Variants in TMEM117 observed in about 807,000 individuals in gnomAD.
TMEM117 encodes the protein transmembrane protein 117.
Under a neutral mutation model 52.4 loss-of-function variants are expected in TMEM117, and 27 were observed. That is an observed-to-expected ratio of 0.51 (90% CI 0.38 to 0.71). The LOEUF (loss-of-function observed/expected upper bound fraction) is 0.71. Among genes scored for constraint, TMEM117 ranks in the 30% least tolerant of loss-of-function variants. The pLI, the probability that TMEM117 is intolerant of heterozygous loss-of-function variation, is 0.00. For missense variants in TMEM117, 556 were observed against 630.5 expected (o/e 0.88, Z 1.26); for synonymous variants, 215 against 206.3 (o/e 1.04, Z -0.36).
intron 5 of TMEM117, among the ~76,000 whole-genome samples, chr12:44,216,158 C>T (rs1949715752): frequency 6.6e-6 from 1 of 151,884 alleles, no homozygotes; most frequent in African/African-American, 2.4e-5. Flanking sequence ...CAGGCATGCA[C>T]CACCACACCC....
chr12:44,127,676 CA>C (rs1044638075), intron 3 of TMEM117, among the ~76,000 whole-genome samples: 55 of 139,378 alleles, frequency 3.9e-4, no homozygotes, highest in East Asian at 4.1e-4. Context: ...AACTCTGTCT[CA>C]AAAAAAAAAA....
At chr12:44,290,227 A>C (rs111364990) in intron 5 of TMEM117, among the ~76,000 whole-genome samples, 1,992 of 151,850 alleles carry the variant, frequency 0.013, 51 homozygotes, top group African/African-American at 0.046. Flanking sequence ...TCTTACTTTG[A>C]TGTTATCCCG....
At chr12:43,992,876 C>T (rs1283276590) in intron 3 of TMEM117, among the ~76,000 whole-genome samples, 2 of 152,200 alleles carry the variant, frequency 1.3e-5, no homozygotes. Flanking sequence ...CCTTGTTCAT[C>T]TTTAAACCCA....
chr12:43,951,322 A>G (rs1945217517), intron 3 of TMEM117, among the ~76,000 whole-genome samples: 1 of 152,216 alleles, frequency 6.6e-6, no homozygotes. Flanking sequence ...AAGGGGCTTA[A>G]GCCAGGGAGC....
chr12:43,983,084 G>T (rs953932355), intron 3 of TMEM117, among the ~76,000 whole-genome samples: 3 of 152,158 alleles, frequency 2.0e-5, no homozygotes, highest in Admixed American at 6.5e-5. Flanking sequence ...CAGCAATTCA[G>T]GCTGGGCTTA....
At chr12:44,063,970 A>G (rs1947182520) in intron 3 of TMEM117, among the ~76,000 whole-genome samples, 1 of 152,142 alleles carries the variant, frequency 6.6e-6, no homozygotes, top group African/African-American at 2.4e-5. Flanking sequence ...TCTTAGAGCA[A>G]AAACCTCTTC....
intron 4 of TMEM117, among the ~76,000 whole-genome samples, chr12:44,195,636 G>A (rs898437374): frequency 6.7e-6 from 1 of 150,302 alleles, no homozygotes; most frequent in Non-Finnish European, 1.5e-5. Flanking sequence ...TTATATTGCT[G>A]TCTAGCAAAA....
intron 3 of TMEM117, among the ~76,000 whole-genome samples, chr12:43,983,303 T>G (rs1263462837): frequency 1.3e-5 from 2 of 152,066 alleles, no homozygotes; most frequent in Admixed American, 1.3e-4. Context: ...GAGCAATTCT[T>G]AAACTTCTGT....
At chr12:44,090,529 C>T (rs1035317389) in intron 3 of TMEM117, among the ~76,000 whole-genome samples, 59 of 151,802 alleles carry the variant, frequency 3.9e-4, no homozygotes, top group African/African-American at 1.3e-3. Context: ...CTCTGCCTCC[C>T]GGGCTCAGGC....
chr12:44,354,863 T>A (rs1400699468), intron 6 of TMEM117, among the ~76,000 whole-genome samples: 1 of 152,026 alleles, frequency 6.6e-6, no homozygotes, highest in African/African-American at 2.4e-5. Flanking sequence ...GGAAAACAAT[T>A]TTTAGTAGTG....
chr12:43,879,843 A>G (rs1943865596), intron 2 of TMEM117, among the ~76,000 whole-genome samples: 1 of 152,180 alleles, frequency 6.6e-6, no homozygotes, highest in African/African-American at 2.4e-5. Flanking sequence ...AAAGAGCCAC[A>G]TTGCTGCAGA....
intron 3 of TMEM117, among the ~76,000 whole-genome samples, chr12:43,970,521 C>T (rs1378147351): frequency 1.3e-5 from 2 of 152,112 alleles, no homozygotes; most frequent in Non-Finnish European, 2.9e-5. Flanking sequence ...ATCTCCTGAC[C>T]TTGTGATCCG....
chr12:44,240,282 G>A (rs1212774107), intron 5 of TMEM117, among the ~76,000 whole-genome samples: 1 of 152,098 alleles, frequency 6.6e-6, no homozygotes, highest in Non-Finnish European at 1.5e-5. Flanking sequence ...CACATTCCAG[G>A]TTGTAGGAAG....
chr12:44,142,932 A>G (rs1208549963), intron 3 of TMEM117, among the ~76,000 whole-genome samples: 2 of 152,198 alleles, frequency 1.3e-5, no homozygotes, highest in Non-Finnish European at 2.9e-5. Flanking sequence ...TTAGCTATAC[A>G]AAAAGTAAAT....
chr12:44,343,305 G>A (rs1951442056), intron 6 of TMEM117, among the ~76,000 whole-genome samples: 1 of 151,920 alleles, frequency 6.6e-6, no homozygotes, highest in Non-Finnish European at 1.5e-5. Flanking sequence ...TCCAACCCAG[G>A]GAACAGATCC....
the TMEM117 span, among the ~76,000 whole-genome samples, chr12:43,823,233 A>G: frequency 2.0e-5 from 3 of 152,222 alleles, no homozygotes; most frequent in Admixed American, 2.0e-4. Flanking sequence ...ACTGCAGTCC[A>G]TACATTTTAT....
intron 3 of TMEM117, among the ~76,000 whole-genome samples, chr12:43,981,379 T>A (rs1302909340): frequency 6.6e-6 from 1 of 152,212 alleles, no homozygotes; most frequent in Middle Eastern, 3.2e-3. Flanking sequence ...GTAGACTTAA[T>A]CTGTATAGTG....
chr12:44,323,376 T>G (rs915956870), intron 6 of TMEM117, among the ~76,000 whole-genome samples: 5 of 152,236 alleles, frequency 3.3e-5, no homozygotes, highest in African/African-American at 1.2e-4. Context: ...ATTTTTTAAA[T>G]CTTTTGCTAG....
At chr12:44,333,257 T>C (rs1166783354) in intron 6 of TMEM117, among the ~76,000 whole-genome samples, 2 of 152,052 alleles carry the variant, frequency 1.3e-5, no homozygotes, top group African/African-American at 4.8e-5. Context: ...GATAAGAGCT[T>C]TTTAAACCCA....
Sources: allele counts gnomAD v4.1 joint callset (sites outside exome capture counted in the v4.1 genomes callset), GRCh38; gene constraint gnomAD v4.1.1; transcripts MANE v1.5; gene names NCBI Gene and HGNC (gene_info 2026-07-23, HGNC 2026-07-21).